Variants in PLS3 observed in about 807,000 individuals in gnomAD.
PLS3 encodes the protein plastin-3.
Under a neutral mutation model 46.5 loss-of-function variants are expected in PLS3, and 11 were observed. The observed-to-expected ratio is 0.24, with a 90% confidence interval of 0.15 to 0.39. The LOEUF (loss-of-function observed/expected upper bound fraction) is 0.39. PLS3 is among the 10% of genes least tolerant of loss of function. PLS3 has a pLI of 1.00. For synonymous variants in PLS3, 167 were observed against 162.2 expected (o/e 1.03, Z -0.22); for missense variants, 308 against 461.8 (o/e 0.67, Z 3.05).
intron 1 of PLS3, among the ~76,000 whole-genome samples, chrX:115,564,130 T>A (rs1280153655): frequency 3.6e-5 from 4 of 110,873 alleles, no homozygotes; most frequent in Non-Finnish European, 7.5e-5. Context: ...TTTATTGAAA[T>A]TAGGGGGCTG....
chrX:115,624,770 G>A (rs1169711302), intron 3 of PLS3, among the ~76,000 whole-genome samples: 1 of 111,920 alleles, frequency 8.9e-6, no homozygotes, highest in Non-Finnish European at 1.9e-5. Context: ...GGCAACACCA[G>A]GGCTTTAAGA....
rs1340986888 is a variant in PLS3 at position 115,634,827 on chromosome X, C to T, written c.583-54C>T. ...ATTTTCAGTGAAGGGAGAAAGTAGA[C>T]TGCTAAAAAATGGAAAGGTCAAGAA... On this transcript the variant is annotated intron_variant, in intron 6 of 15. Coordinates refer to ENST00000355899, the MANE Select transcript of PLS3 (RefSeq NM_005032.7). 11 of 1,078,459 alleles carry T rather than the reference C, an allele frequency of 1.0e-5. No individual in the cohort carries two copies. In the Admixed American group the frequency reaches 2.9e-4, roughly 28 times the overall value. 88.9% of individuals were successfully genotyped at this position (1,078,459 alleles called of 1,213,427 possible). A position where few individuals can be genotyped will look rare whatever the true frequency, so the allele number is the denominator to read the frequency against.
Position 115,622,259 on chromosome X carries a change from C to T in PLS3, c.87C>T (p.Asn29=), listed in dbSNP as rs972895977. 13 of 1,195,474 alleles carry T rather than the reference C, an allele frequency of 1.1e-5. No homozygotes were observed. Among genetic ancestry groups the T allele is most frequent in the African/African-American group, 5.3e-5 (3 of 56,636 alleles). The change falls in exon 3 of 16, where the codon AAC becomes AAT. Residue 29 remains asparagine, a synonymous_variant. Transcript: ENST00000355899. ...TTTTTTACAAAGATCTCAACAGCAA[C>T]GGATTCATTTGTGACTATGAACTTC... ...EAFAKVDLNS[N]GFICDYELHE...
At chrX:115,600,906 G>A (rs1366321117) in intron 1 of PLS3, among the ~76,000 whole-genome samples, 2 of 110,436 alleles carry the variant, frequency 1.8e-5, no homozygotes, top group African/African-American at 3.3e-5. Flanking sequence ...AAATAGAGGA[G>A]AGTATTCTAA....
At chrX:115,605,608 A>G (rs143786269) in intron 1 of PLS3, among the ~76,000 whole-genome samples, 8 of 110,934 alleles carry the variant, frequency 7.2e-5, no homozygotes, top group African/African-American at 2.3e-4. Flanking sequence ...GGCATGTGCC[A>G]CCACCCACGA....
At chrX:115,583,868 T>C (rs28579039) in intron 1 of PLS3, among the ~76,000 whole-genome samples, 17,449 of 111,191 alleles carry the variant, frequency 0.16, 2,787 homozygotes, top group African/African-American at 0.49. Flanking sequence ...GTTTTTCTTT[T>C]TTTTTGGGGG....
chrX:115,613,905 C>G (rs1016791466), intron 2 of PLS3, among the ~76,000 whole-genome samples: 1 of 111,776 alleles, frequency 8.9e-6, no homozygotes, highest in African/African-American at 3.2e-5. Context: ...AAGAGAAAAT[C>G]TTATTTTTTT....
intron 1 of PLS3, among the ~76,000 whole-genome samples, chrX:115,600,377 T>A (rs1391500814): frequency 1.8e-5 from 2 of 110,238 alleles, no homozygotes. Flanking sequence ...TTCTCCCACT[T>A]CTGCCTCCCA....
intron 8 of PLS3, among the ~76,000 whole-genome samples, chrX:115,639,563 A>G: frequency 1.8e-5 from 2 of 112,236 alleles, no homozygotes; most frequent in East Asian, 5.6e-4. Context: ...CAGTAACAGG[A>G]AACTATTAAT....
intron 1 of PLS3, among the ~76,000 whole-genome samples, chrX:115,603,864 T>C (rs1556634928): frequency 1.8e-5 from 2 of 112,146 alleles, no homozygotes; most frequent in Non-Finnish European, 3.8e-5. Context: ...TGCCTGTCAA[T>C]CACATATTGT....
chrX:115,568,172 T>C (rs1357165660), intron 1 of PLS3, among the ~76,000 whole-genome samples: 2 of 111,801 alleles, frequency 1.8e-5, no homozygotes, highest in Admixed American at 9.6e-5. Context: ...ATCACCATTA[T>C]AGGGTGCAAA....
chrX:115,564,372 G>A (rs2074158951), intron 1 of PLS3, among the ~76,000 whole-genome samples: 1 of 112,148 alleles, frequency 8.9e-6, no homozygotes, highest in African/African-American at 3.2e-5. Context: ...GTAATAATTT[G>A]GGTGAGATTA....
intron 1 of PLS3, among the ~76,000 whole-genome samples, chrX:115,582,585 T>C (rs1380866045): frequency 8.9e-6 from 1 of 112,129 alleles, no homozygotes; most frequent in Non-Finnish European, 1.9e-5. Flanking sequence ...ATTAATACTT[T>C]ATGAGACCAT....
At chrX:115,609,184 C>G (rs1556635768) in intron 1 of PLS3, among the ~76,000 whole-genome samples, 4 of 110,938 alleles carry the variant, frequency 3.6e-5, no homozygotes, top group African/African-American at 1.3e-4. Flanking sequence ...TTTCATTTTT[C>G]TTTGTCCAAA....
intron 5 of PLS3, among the ~76,000 whole-genome samples, chrX:115,632,601 G>A (rs1409496750): frequency 1.8e-5 from 2 of 111,832 alleles, no homozygotes; most frequent in African/African-American, 6.5e-5. Flanking sequence ...CAAATATAGT[G>A]TCTGGCTCAT....
At chrX:115,614,680 C>A in intron 2 of PLS3, 1 of 350,276 alleles carries the variant, frequency 2.9e-6, no homozygotes, top group Non-Finnish European at 3.7e-6. Flanking sequence ...TTCTTCTGCC[C>A]AAGTCTTTTG....
chrX:115,636,497 C>T (rs1556640266), intron 7 of PLS3, among the ~76,000 whole-genome samples: 6 of 111,769 alleles, frequency 5.4e-5, no homozygotes, highest in Non-Finnish European at 3.8e-5. Context: ...TGAGCCACTG[C>T]ACCCAGACCC....
chrX:115,567,934 G>A (rs1556630316), intron 1 of PLS3, among the ~76,000 whole-genome samples: 1 of 110,890 alleles, frequency 9.0e-6, no homozygotes. Context: ...CCGTATAATA[G>A]TTTTGAATAT....
At chrX:115,621,263 C>T (rs2074652572) in intron 2 of PLS3, among the ~76,000 whole-genome samples, 1 of 111,908 alleles carries the variant, frequency 8.9e-6, no homozygotes, top group African/African-American at 3.2e-5. Context: ...GATCCACCCG[C>T]CTCAGCCTCC....
Sources: gnomAD v4.1 joint callset for allele counts (sites outside exome capture counted in the v4.1 genomes callset) on GRCh38, gnomAD v4.1.1 for gene constraint, MANE v1.5 for transcripts, NCBI Gene and HGNC (gene_info 2026-07-23, HGNC 2026-07-21) for gene names.